Variants in ESR1 observed in about 807,000 individuals in gnomAD.
ESR1 encodes estrogen receptor 1.
ESR1 carries 12 observed loss-of-function variants against 52.7 expected under a neutral mutation model. The observed-to-expected ratio is 0.23, with a 90% CI of 0.15 to 0.37. The LOEUF is 0.37. Ranked by LOEUF, ESR1 falls within the 10% of genes least tolerant of loss-of-function variation. ESR1 has a pLI of 1.00. For missense variants in ESR1, 584 were observed against 779.7 expected (o/e 0.75, Z 2.99); for synonymous variants, 305 against 316.8 (o/e 0.96, Z 0.39).
At position 152,099,322 on chromosome 6, in the gene ESR1, G is replaced by A. The variant is rs1415840126; in HGVS notation, c.*356G>A. Reference sequence around the variant, plus strand: ...CTACTTGTAGAGACCCAGGCCTGGAGAGTAGACATTTTGCCTCTGATAAGC... The same window carrying A: ...CTACTTGTAGAGACCCAGGCCTGGAAAGTAGACATTTTGCCTCTGATAAGC... On this transcript the variant is annotated 3_prime_UTR_variant, in exon 8 of 8. Coordinates refer to ENST00000206249, the MANE Select transcript of ESR1 (RefSeq NM_000125.4). The A allele has an allele frequency of 9.9e-6, 4 of 403,252 alleles. No homozygotes were observed. In the East Asian group the frequency reaches 1.2e-4, roughly 12 times the overall value. 25.0% of individuals were successfully genotyped at this position (403,252 alleles called of 1,614,324 possible).
At chr6:151,659,919 A>T (rs1315394143) in intron 1 of ESR1, among the ~76,000 whole-genome samples, 1 of 152,216 alleles carries the variant, frequency 6.6e-6, no homozygotes, top group East Asian at 1.9e-4. Flanking sequence ...TTAAAGTAAA[A>T]CATTACTACT....
chr6:151,796,620 A>T (rs1256593434), intron 2 of ESR1, among the ~76,000 whole-genome samples: 1 of 152,216 alleles, frequency 6.6e-6, no homozygotes, highest in Non-Finnish European at 1.5e-5. Context: ...TTTTGCCATT[A>T]AAAGTAATTT....
At chr6:152,091,231 C>G (rs144325404) in intron 6 of ESR1, among the ~76,000 whole-genome samples, 2 of 152,354 alleles carry the variant, frequency 1.3e-5, no homozygotes, top group Admixed American at 1.3e-4. Flanking sequence ...TGAAGGGCAA[C>G]AGGCAGCACA....
intron 6 of ESR1, among the ~76,000 whole-genome samples, chr6:152,069,318 G>A (rs562210697): frequency 7.3e-6 from 1 of 136,858 alleles, no homozygotes; most frequent in South Asian, 2.3e-4. Context: ...CACTGGGTCA[G>A]TTCCTCGGAG....
intron 5 of ESR1, among the ~76,000 whole-genome samples, chr6:152,055,051 A>G (rs957688780): frequency 3.3e-5 from 5 of 152,118 alleles, no homozygotes; most frequent in East Asian, 1.9e-4. Context: ...TCCATTGTAC[A>G]TATATTCCAT....
At position 151,880,164 on chromosome 6, in the gene ESR1, G is replaced by A. The variant is rs540880146; in HGVS notation, c.644-491G>A. ...TGGCTGCTGTAGAAATTAAGTCCAC[G>A]GGAGGTTTTTTGTTCTGTTTTTTTT... On this transcript the variant is annotated intron_variant, in intron 2 of 7. Coordinates refer to ENST00000206249, the MANE Select transcript of ESR1 (RefSeq NM_000125.4). Among the ~76,000 whole-genome samples the A allele has an allele frequency of 5.4e-5, 8 of 149,314 alleles. No homozygotes were observed. In the South Asian group the frequency reaches 1.3e-3, roughly 24 times the overall value.
chr6:151,783,636 AT>A (rs1333722527), intron 2 of ESR1, among the ~76,000 whole-genome samples: 10 of 152,174 alleles, frequency 6.6e-5, no homozygotes, highest in Non-Finnish European at 1.2e-4. Context: ...GACAGTAGAG[AT>A]TTCCTATCTA....
intron 2 of ESR1, among the ~76,000 whole-genome samples, chr6:151,714,338 G>C (rs1780855075): frequency 6.6e-6 from 1 of 152,212 alleles, no homozygotes; most frequent in Admixed American, 6.5e-5. Context: ...GACTTCTATA[G>C]ATGTCTATTA....
intron 4 of ESR1, among the ~76,000 whole-genome samples, chr6:151,949,454 G>T (rs1417493058): frequency 1.3e-5 from 2 of 152,206 alleles, no homozygotes; most frequent in African/African-American, 4.8e-5. Flanking sequence ...TCAAACTGTT[G>T]TGGTGTCCAG....
chr6:151,868,065 G>A (rs1433917115), intron 2 of ESR1, among the ~76,000 whole-genome samples: 1 of 152,050 alleles, frequency 6.6e-6, no homozygotes, highest in East Asian at 1.9e-4. Flanking sequence ...CTCAGGTAAT[G>A]AGCATAGTAC....
intron 5 of ESR1, among the ~76,000 whole-genome samples, chr6:152,029,465 A>G (rs2044472142): frequency 6.6e-6 from 1 of 152,234 alleles, no homozygotes; most frequent in Non-Finnish European, 1.5e-5. Flanking sequence ...TGGAGCTGAC[A>G]ACCAAGGCAC....
In ESR1 at chr6:151,819,748, C is replaced by T. The variant is rs1249247569; in HGVS notation, c.452+11384C>T. ...AATAAAGTGCGCAATAAATGTGATG[C>T]ACTGGAATCATCCCAAAACCATCCC... On this transcript the variant is annotated intron_variant, in intron 1 of 7. Transcript: ENST00000206249. Among the ~76,000 whole-genome samples, 4 of 152,172 alleles carry T rather than the reference C, an allele frequency of 2.6e-5. No homozygotes were observed. The East Asian group carries it at 7.7e-4, about 29-fold the overall frequency.
At chr6:151,870,544 T>C (rs1016393447) in intron 2 of ESR1, among the ~76,000 whole-genome samples, 8 of 152,224 alleles carry the variant, frequency 5.3e-5, no homozygotes, top group African/African-American at 1.9e-4. Context: ...AGACCTGGAT[T>C]TAATCATGGC....
intron 1 of ESR1, among the ~76,000 whole-genome samples, chr6:151,685,175 G>A (rs1317769431): frequency 1.6e-5 from 2 of 128,806 alleles, no homozygotes; most frequent in Admixed American, 9.1e-5. Context: ...CGCCCAGGCC[G>A]GACTGCGGAC....
upstream of ESR1, chr6:151,804,579 A>G (rs1777591288): frequency 6.6e-6 from 1 of 152,210 alleles, no homozygotes; most frequent in Admixed American, 6.5e-5. Context: ...AAACACTGCA[A>G]TACTGGGGGT....
At chr6:151,892,134 T>A (rs1196200465) in intron 3 of ESR1, among the ~76,000 whole-genome samples, 1 of 152,196 alleles carries the variant, frequency 6.6e-6, no homozygotes, top group Non-Finnish European at 1.5e-5. Flanking sequence ...ACCTACTACC[T>A]AGGAACCTTG....
intron 2 of ESR1, among the ~76,000 whole-genome samples, chr6:151,875,993 G>C (rs1020532129): frequency 3.3e-5 from 5 of 152,146 alleles, no homozygotes; most frequent in African/African-American, 1.2e-4. Context: ...ATTGGCGGGG[G>C]AAGGCTGGAG....
At chr6:152,036,094 G>T (rs1273367742) in intron 5 of ESR1, among the ~76,000 whole-genome samples, 1 of 142,592 alleles carries the variant, frequency 7.0e-6, no homozygotes, top group Non-Finnish European at 1.5e-5. Flanking sequence ...CCAGGGCCAG[G>T]CACGGTGGCT....
intron 6 of ESR1, among the ~76,000 whole-genome samples, chr6:152,092,988 G>A (rs957490061): frequency 2.6e-5 from 4 of 152,252 alleles, no homozygotes; most frequent in African/African-American, 7.2e-5. Context: ...ATGTAAGAAC[G>A]AAGACCTTGG....
Sources: gnomAD v4.1 joint callset for allele counts (sites outside exome capture counted in the v4.1 genomes callset) on GRCh38, gnomAD v4.1.1 for gene constraint, MANE v1.5 for transcripts, NCBI Gene and HGNC (gene_info 2026-07-23, HGNC 2026-07-21) for gene names.